Variants in CSMD1 observed in about 807,000 individuals in gnomAD.
CSMD1 encodes the protein CUB and Sushi multiple domains 1, also known as CUB and sushi domain-containing protein 1.
Under a neutral mutation model 417.5 loss-of-function variants are expected in CSMD1, and 213 were observed. The ratio of observed to expected loss-of-function variants is 0.51; its 90% CI spans 0.46 to 0.57. The LOEUF (loss-of-function observed/expected upper bound fraction) is 0.57, where lower values mean the gene tolerates loss of function less well. CSMD1 is among the 20% of genes least tolerant of loss of function. The pLI is 0.00. For missense variants in CSMD1, 6,923 were observed against 4,529.7 expected, an observed-to-expected ratio of 1.53 and a Z score of -15.17; for synonymous variants, 2,862 against 1,736.8, an observed-to-expected ratio of 1.65 and a Z score of -16.11.
At chr8:4,168,226 CACAA>C (rs1200544429) in intron 3 of CSMD1, among the ~76,000 whole-genome samples, 2 of 151,174 alleles carry the variant, frequency 1.3e-5, no homozygotes, top group African/African-American at 2.4e-5. Context: ...CACATATATA[CACAA>C]ACACACACAA....
rs1800236889 is a variant in CSMD1 at position 3,578,296 on chromosome 8, T to G, written c.1223-3230A>C. Among the ~76,000 whole-genome samples, 5 of 140,320 alleles carry G rather than the reference T, an allele frequency of 3.6e-5. No homozygotes were observed. In the South Asian group the frequency reaches 1.2e-3, roughly 32 times the overall value. 92.1% of individuals were successfully genotyped at this position (140,320 alleles called of 152,430 possible). On this transcript the variant is annotated intron_variant, in intron 9 of 69. Coordinates refer to ENST00000635120, the MANE Select transcript of CSMD1 (RefSeq NM_033225.6). ...ACCCAGGGCTGAGCTTTGTACTGAG[T>G]AGATCCAATGAGTGAGTGTCCTTGC...
At chr8:3,195,499 T>C (rs1418617365) in intron 33 of CSMD1, among the ~76,000 whole-genome samples, 1 of 152,214 alleles carries the variant, frequency 6.6e-6, no homozygotes, top group Non-Finnish European at 1.5e-5. Context: ...CTGGAGTTAC[T>C]AAGAAACAGT....
chr8:3,968,420 C>T (rs1361972239), intron 5 of CSMD1, among the ~76,000 whole-genome samples: 1 of 152,126 alleles, frequency 6.6e-6, no homozygotes, highest in African/African-American at 2.4e-5. Context: ...CATGGGTTCA[C>T]ATGGACACAC....
intron 6 of CSMD1, among the ~76,000 whole-genome samples, chr8:3,718,362 T>C (rs1214319590): frequency 6.6e-6 from 1 of 152,202 alleles, no homozygotes; most frequent in Non-Finnish European, 1.5e-5. Flanking sequence ...AACCAAGTTT[T>C]AAGAACTACA....
intron 12 of CSMD1, among the ~76,000 whole-genome samples, chr8:3,447,007 G>T (rs775681250): frequency 6.6e-6 from 1 of 152,160 alleles, no homozygotes; most frequent in African/African-American, 2.4e-5. Context: ...AAAGGAATTG[G>T]TGAAATGTTA....
At chr8:3,441,775 G>A (rs1476595989) in intron 12 of CSMD1, among the ~76,000 whole-genome samples, 1 of 152,008 alleles carries the variant, frequency 6.6e-6, no homozygotes, top group African/African-American at 2.4e-5. Flanking sequence ...AAGTGACTAT[G>A]ACATTGCTTT....
intron 3 of CSMD1, among the ~76,000 whole-genome samples, chr8:4,066,760 A>G (rs1295033930): frequency 6.6e-6 from 1 of 152,162 alleles, no homozygotes; most frequent in Non-Finnish European, 1.5e-5. Flanking sequence ...AACCACAAGC[A>G]AATACGGAAA....
chr8:3,852,729 T>A (rs1162199146), intron 5 of CSMD1, among the ~76,000 whole-genome samples: 1 of 151,690 alleles, frequency 6.6e-6, no homozygotes, highest in African/African-American at 2.4e-5. Context: ...AGATGGAGGG[T>A]CAGGTAAGCG....
At chr8:4,083,567 C>G (rs1226104815) in intron 3 of CSMD1, among the ~76,000 whole-genome samples, 2 of 152,030 alleles carry the variant, frequency 1.3e-5, no homozygotes, top group East Asian at 1.9e-4. Context: ...CTTTGACAAA[C>G]CTGACAAAAA....
chr8:4,857,528 A>G (rs988183987), intron 1 of CSMD1, among the ~76,000 whole-genome samples: 1 of 152,212 alleles, frequency 6.6e-6, no homozygotes, highest in African/African-American at 2.4e-5. Context: ...AGCAAGACTA[A>G]TGAAAAAAAG....
chr8:3,798,602 T>TAAAA, intron 5 of CSMD1, among the ~76,000 whole-genome samples: 1 of 152,106 alleles, frequency 6.6e-6, no homozygotes, highest in Non-Finnish European at 1.5e-5. Context: ...AATAAAATAT[T>TAAAA]AACTTTGCTT....
chr8:4,578,665 A>G (rs1799259557), intron 2 of CSMD1, among the ~76,000 whole-genome samples: 1 of 151,090 alleles, frequency 6.6e-6, no homozygotes, highest in Non-Finnish European at 1.5e-5. Context: ...AAATACAAAA[A>G]TTAGCTGGAC....
At chr8:3,600,029 C>G (rs1245826091) in intron 8 of CSMD1, among the ~76,000 whole-genome samples, 1 of 152,160 alleles carries the variant, frequency 6.6e-6, no homozygotes, top group Non-Finnish European at 1.5e-5. Flanking sequence ...ACAAGAGGCA[C>G]CTCCTCAGCT....
At chr8:4,737,338 G>C (rs1005257040) in intron 1 of CSMD1, among the ~76,000 whole-genome samples, 1 of 151,986 alleles carries the variant, frequency 6.6e-6, no homozygotes, top group Non-Finnish European at 1.5e-5. Flanking sequence ...TCTTTCAAAG[G>C]GTGGAGGGTT....
At position 4,124,260 on chromosome 8, in the gene CSMD1, G is replaced by C. The variant is rs185172135; in HGVS notation, c.416-92161C>G. ...TGAGGCCTGAGGTCATTAACAGTAA[G>C]CACTGACTGGCAAATTAATAACATC... On this transcript the variant is annotated intron_variant, in intron 3 of 69. Transcript: ENST00000635120. Among the ~76,000 whole-genome samples the C allele has an allele frequency of 1.5e-3, 226 of 152,218 alleles. 1 individual carries two copies. Among genetic ancestry groups the C allele is most frequent in the African/African-American group, 5.2e-3 (217 of 41,540 alleles).
chr8:4,825,923 C>CA (rs1799800682), intron 1 of CSMD1, among the ~76,000 whole-genome samples: 1 of 149,802 alleles, frequency 6.7e-6, no homozygotes, highest in Non-Finnish European at 1.5e-5. Context: ...AAATGCAGAT[C>CA]AAAAAACAGG....
chr8:4,125,578 G>A (rs545881386), intron 3 of CSMD1, among the ~76,000 whole-genome samples: 5 of 152,314 alleles, frequency 3.3e-5, no homozygotes, highest in East Asian at 1.9e-4. Flanking sequence ...AATTAACTGA[G>A]ACTGAAACTG....
At chr8:3,717,519 C>T (rs1379656124) in intron 6 of CSMD1, among the ~76,000 whole-genome samples, 1 of 152,132 alleles carries the variant, frequency 6.6e-6, no homozygotes, top group Non-Finnish European at 1.5e-5. Flanking sequence ...GTCCTTGTCA[C>T]ATGGCCATGA....
chr8:3,557,462 A>C (rs771372509), intron 10 of CSMD1, among the ~76,000 whole-genome samples: 23 of 152,358 alleles, frequency 1.5e-4, no homozygotes, highest in Admixed American at 1.3e-4. Context: ...TTTTAGACAT[A>C]GGCTTCCTTG....
Sources: allele counts gnomAD v4.1 joint callset (sites outside exome capture counted in the v4.1 genomes callset), GRCh38; gene constraint gnomAD v4.1.1; transcripts MANE v1.5; gene names NCBI Gene and HGNC (gene_info 2026-07-23, HGNC 2026-07-21).